Variants in SEMA6D observed in about 807,000 individuals in gnomAD.
SEMA6D encodes the protein semaphorin-6D.
Under a neutral mutation model 106.6 loss-of-function variants are expected in SEMA6D, and 35 were observed. The ratio of observed to expected loss-of-function variants is 0.33; its 90% CI spans 0.25 to 0.44. SEMA6D has a LOEUF of 0.44. SEMA6D is among the 20% of genes least tolerant of loss of function. SEMA6D has a pLI of 1.00. For missense variants in SEMA6D, 1,185 were observed against 1,345.9 expected (o/e 0.88, Z 1.87); for synonymous variants, 499 against 487.7 (o/e 1.02, Z -0.31).
intron 3 of SEMA6D, among the ~76,000 whole-genome samples, chr15:47,489,715 G>C (rs1287284421): frequency 6.6e-6 from 1 of 151,708 alleles, no homozygotes; most frequent in Non-Finnish European, 1.5e-5. Context: ...GCAGTGGCGC[G>C]ATCTTGGCTC....
chr15:47,389,183 G>T (rs2039945981), intron 1 of SEMA6D, among the ~76,000 whole-genome samples: 1 of 152,034 alleles, frequency 6.6e-6, no homozygotes, highest in Non-Finnish European at 1.5e-5. Flanking sequence ...TGTAAAATGG[G>T]AATAGTATTC....
At chr15:47,304,387 A>G (rs553281636) in intron 1 of SEMA6D, among the ~76,000 whole-genome samples, 25 of 140,938 alleles carry the variant, frequency 1.8e-4, no homozygotes, top group Non-Finnish European at 2.9e-4. Context: ...CGGAGGATGC[A>G]GTGAGCTGAG....
intron 1 of SEMA6D, among the ~76,000 whole-genome samples, chr15:47,361,781 G>A (rs1542674): frequency 0.63 from 96,093 of 151,586 alleles, 31,510 homozygotes; most frequent in Non-Finnish European, 0.72. Flanking sequence ...GCCTCTCCCC[G>A]CCCCTCCACT....
intron 4 of SEMA6D, among the ~76,000 whole-genome samples, chr15:47,630,417 G>A (rs961092694): frequency 5.3e-5 from 8 of 151,674 alleles, no homozygotes; most frequent in Non-Finnish European, 7.4e-5. Context: ...CACATTGTTC[G>A]TTGTTATGTA....
intron 4 of SEMA6D, among the ~76,000 whole-genome samples, chr15:47,702,647 T>TA (rs1313110823): frequency 6.6e-6 from 1 of 152,212 alleles, no homozygotes; most frequent in East Asian, 1.9e-4. Flanking sequence ...ATGGATAAAC[T>TA]ATAATACATT....
chr15:47,187,088 A>G (rs72731735), intron 1 of SEMA6D, among the ~76,000 whole-genome samples: 2,308 of 152,292 alleles, frequency 0.015, 30 homozygotes, highest in Non-Finnish European at 0.024. Context: ...CTTCCACATG[A>G]AGAATGAACC....
chr15:47,418,026 G>A (rs1238389941), intron 2 of SEMA6D, among the ~76,000 whole-genome samples: 1 of 151,914 alleles, frequency 6.6e-6, no homozygotes, highest in Non-Finnish European at 1.5e-5. Context: ...TATTTTATAT[G>A]CCCATATATA....
intron 2 of SEMA6D, among the ~76,000 whole-genome samples, chr15:47,452,563 A>AT (rs1284094648): frequency 6.6e-6 from 1 of 151,998 alleles, no homozygotes; most frequent in Non-Finnish European, 1.5e-5. Flanking sequence ...TTCTTTTATC[A>AT]TAAAAAATAC....
At chr15:47,653,160 G>C (rs1399714074) in intron 4 of SEMA6D, among the ~76,000 whole-genome samples, 1 of 152,172 alleles carries the variant, frequency 6.6e-6, no homozygotes, top group South Asian at 2.1e-4. Context: ...GAGAAGATCA[G>C]TTTGCAAGGA....
intron 2 of SEMA6D, among the ~76,000 whole-genome samples, chr15:47,437,039 A>AGGGAG (rs1389906908): frequency 7.2e-5 from 2 of 27,598 alleles, no homozygotes; most frequent in Non-Finnish European, 1.4e-4. Context: ...AAGGGAGGGT[A>AGGGAG]GGGAGGGGAG....
At chr15:47,625,576 C>CA (rs201938399) in intron 4 of SEMA6D, among the ~76,000 whole-genome samples, 45 of 150,518 alleles carry the variant, frequency 3.0e-4, no homozygotes, top group East Asian at 9.8e-4. Flanking sequence ...ATAAAAATTA[C>CA]AAAAAAAAAT....
At chr15:47,736,206 G>A (rs1017153914) in intron 1 of SEMA6D, among the ~76,000 whole-genome samples, 2 of 152,088 alleles carry the variant, frequency 1.3e-5, no homozygotes, top group African/African-American at 2.4e-5. Flanking sequence ...AAGAAATGAG[G>A]GAGTTTACAT....
intron 3 of SEMA6D, among the ~76,000 whole-genome samples, chr15:47,562,152 G>A (rs1191830216): frequency 6.6e-6 from 1 of 151,936 alleles, no homozygotes; most frequent in African/African-American, 2.4e-5. Flanking sequence ...ACATACATGG[G>A]CAACTGATTT....
chr15:47,217,566 GGT>G (rs146342466), intron 1 of SEMA6D, among the ~76,000 whole-genome samples: 2,584 of 145,794 alleles, frequency 0.018, 57 homozygotes, highest in African/African-American at 0.053. Flanking sequence ...CGCGTGCACG[GGT>G]GTGTGTGTGT....
intron 1 of SEMA6D, among the ~76,000 whole-genome samples, chr15:47,402,229 T>G (rs1443674442): frequency 3.9e-5 from 6 of 152,344 alleles, no homozygotes; most frequent in Middle Eastern, 3.4e-3. Context: ...TTTAATATGC[T>G]GGGCAGCACA....
chr15:47,430,942 C>T (rs571117197), intron 2 of SEMA6D, among the ~76,000 whole-genome samples: 4 of 152,242 alleles, frequency 2.6e-5, no homozygotes, highest in South Asian at 2.1e-4. Flanking sequence ...GCCCTAGCCA[C>T]GGAGTTCTTT....
upstream of SEMA6D, among the ~76,000 whole-genome samples, chr15:47,715,874 A>G (rs922909194): frequency 2.0e-5 from 3 of 152,182 alleles, no homozygotes; most frequent in African/African-American, 4.8e-5. Flanking sequence ...CATCAAGCCA[A>G]TGGCCACCCC....
intron 1 of SEMA6D, among the ~76,000 whole-genome samples, chr15:47,301,918 T>C (rs567767005): frequency 6.6e-6 from 1 of 152,294 alleles, no homozygotes; most frequent in African/African-American, 2.4e-5. Context: ...AAGACTAACC[T>C]GTGTAGAAAA....
chr15:47,378,868 C>A (rs1239417504), intron 1 of SEMA6D, among the ~76,000 whole-genome samples: 1 of 152,210 alleles, frequency 6.6e-6, no homozygotes, highest in Admixed American at 6.5e-5. Flanking sequence ...ATAAGCTGGA[C>A]ATTATGGAAA....
Sources: allele counts gnomAD v4.1 joint callset (sites outside exome capture counted in the v4.1 genomes callset), GRCh38; gene constraint gnomAD v4.1.1; transcripts MANE v1.5; gene names NCBI Gene and HGNC (gene_info 2026-07-23, HGNC 2026-07-21).